PLPP1: variants seen among roughly 807,000 people sequenced by gnomAD.
The protein encoded by PLPP1 is lipid phosphate phosphohydrolase 1a.
A neutral mutation model predicts 31.2 loss-of-function variants in PLPP1; 24 were observed. The observed-to-expected ratio is 0.77, with a 90% CI of 0.56 to 1.08. The LOEUF is 1.08. Ranked by LOEUF, PLPP1 falls within the 50% of genes least tolerant of loss-of-function variation. The probability of loss-of-function intolerance (pLI) is 0.00; values close to 1 mark genes in which losing one functional copy is unlikely to be tolerated. For missense variants in PLPP1, 319 were observed against 342.7 expected (o/e 0.93, Z 0.55); for synonymous variants, 146 against 126.3 (o/e 1.16, Z -1.05).
intron 2 of PLPP1, among the ~76,000 whole-genome samples, chr5:55,472,737 GA>G (rs1200625799): frequency 3.4e-5 from 4 of 116,936 alleles, no homozygotes; most frequent in Non-Finnish European, 5.5e-5. Context: ...GGAAGAGGAG[GA>G]AGAGGAAGAA....
Position 55,534,658 on chromosome 5 carries a change from C to A in PLPP1, c.-29G>T. 6.5e-7 allele frequency: 1 copy of A among 1,531,094 alleles called. No individual in the cohort carries two copies. Among genetic ancestry groups the A allele is most frequent in the East Asian group, 2.6e-5 (1 of 38,084 alleles). The allele number at this position is 1,531,094 out of a possible 1,614,324, so 94.8% of individuals were successfully genotyped here. ...CTCTGCCCGGGCTGCCCGGCAAGGG[C>A]GATGGACTGAGCTGCGGGACGGCGG... On this transcript the variant is annotated 5_prime_UTR_variant, in exon 1 of 6. Coordinates refer to ENST00000307259, the MANE Select transcript of PLPP1 (RefSeq NM_003711.4).
At chr5:55,512,043 C>T (rs1405391594) in intron 1 of PLPP1, among the ~76,000 whole-genome samples, 5 of 150,414 alleles carry the variant, frequency 3.3e-5, no homozygotes, top group Non-Finnish European at 7.4e-5. Context: ...GCAGGAGAAT[C>T]GTTTGAATCT....
At chr5:55,513,405 C>T (rs1431440314) in intron 1 of PLPP1, among the ~76,000 whole-genome samples, 1 of 151,766 alleles carries the variant, frequency 6.6e-6, no homozygotes, top group East Asian at 1.9e-4. Flanking sequence ...GGACTACAGG[C>T]AGGTACCACC....
chr5:55,473,681 A>T (rs1318395392), intron 2 of PLPP1, among the ~76,000 whole-genome samples: 9 of 151,740 alleles, frequency 5.9e-5, no homozygotes, highest in African/African-American at 2.2e-4. Flanking sequence ...TGTTTGAAAG[A>T]GGGTCTCACT....
chr5:55,502,991 C>T (rs1244435318), intron 1 of PLPP1, among the ~76,000 whole-genome samples: 1 of 152,202 alleles, frequency 6.6e-6, no homozygotes, highest in Non-Finnish European at 1.5e-5. Context: ...GGGTACCCTC[C>T]TACCTCTCTC....
chr5:55,426,160 TAGGCAAACATTCAC>T, intron 4 of PLPP1, 121 bp from the exon 5 acceptor site: 1 of 840,970 alleles, frequency 1.2e-6, no homozygotes, highest in Non-Finnish European at 1.8e-6. Context: ...ACAGGACTTC[TAGGCAAACATTCAC>T]GTACGCATTA....
At chr5:55,427,944 C>T (rs1751250533) in intron 4 of PLPP1, among the ~76,000 whole-genome samples, 1 of 152,052 alleles carries the variant, frequency 6.6e-6, no homozygotes, top group Non-Finnish European at 1.5e-5. Flanking sequence ...CACCACCACT[C>T]CCAGGTAATT....
chr5:55,436,628 A>G (rs956626949), intron 4 of PLPP1, among the ~76,000 whole-genome samples: 1 of 152,232 alleles, frequency 6.6e-6, no homozygotes, highest in Non-Finnish European at 1.5e-5. Flanking sequence ...GAGCCTCATG[A>G]TAGTTTTATA....
intron 1 of PLPP1, among the ~76,000 whole-genome samples, chr5:55,493,977 C>T (rs1036455676): frequency 6.6e-6 from 1 of 151,830 alleles, no homozygotes; most frequent in East Asian, 1.9e-4. Context: ...CCCAAGAATT[C>T]GAGGCTACGG....
chr5:55,439,828 T>C (rs1751583209), intron 4 of PLPP1, among the ~76,000 whole-genome samples: 1 of 152,184 alleles, frequency 6.6e-6, no homozygotes, highest in Non-Finnish European at 1.5e-5. Context: ...GCTGAGAATT[T>C]TCTTTAAAAT....
At chr5:55,491,860 G>GAAAAAAAAAAA (rs35303375) in intron 1 of PLPP1, among the ~76,000 whole-genome samples, 18 of 101,912 alleles carry the variant, frequency 1.8e-4, no homozygotes, top group Admixed American at 2.4e-4. Flanking sequence ...TCAATCTCAG[G>GAAAAAAAAAAA]AAAAAAAAAA....
At position 55,532,803 on chromosome 5, in the gene PLPP1, G is replaced by A. The variant is rs542879004; in HGVS notation, c.58+1769C>T. Among the ~76,000 whole-genome samples the A allele has an allele frequency of 1.4e-3, 211 of 151,780 alleles. 1 individual carries two copies. The highest frequency in any genetic ancestry group is 7.1e-4 in the Non-Finnish European group (48 of 67,922). ...GAAACCCCGTCTCTACTAAAAATAC[G>A]AAAGTTAGCCGGGCATGGTGGTATG... is the stretch of plus-strand genomic sequence containing the variant. On this transcript the variant is annotated intron_variant, in intron 1 of 5. Coordinates refer to ENST00000307259, the MANE Select transcript of PLPP1 (RefSeq NM_003711.4).
In PLPP1 at chr5:55,514,413, C is replaced by T. The variant is rs1299166713; in HGVS notation, c.58+20159G>A. On this transcript the variant is annotated intron_variant, in intron 1 of 5. Coordinates refer to ENST00000307259, the MANE Select transcript of PLPP1 (RefSeq NM_003711.4). ...TCAAAAAAAAAAAAAAATTAAACAA[C>T]CAAATAAAATCCAGACCTGACACCT... is the stretch of plus-strand genomic sequence containing the variant. Among the ~76,000 whole-genome samples the T allele has an allele frequency of 7.9e-5, 12 of 151,886 alleles. No homozygotes were observed. The East Asian group carries it at 9.7e-4, about 12-fold the overall frequency.
intron 2 of PLPP1, among the ~76,000 whole-genome samples, chr5:55,469,399 A>G (rs1385474778): frequency 1.3e-5 from 2 of 151,928 alleles, no homozygotes; most frequent in Non-Finnish European, 2.9e-5. Context: ...CTGAGGCGGG[A>G]GAATCAATTG....
intron 4 of PLPP1, among the ~76,000 whole-genome samples, chr5:55,431,272 CAG>C (rs1247237664): frequency 2.6e-5 from 4 of 152,150 alleles, no homozygotes; most frequent in South Asian, 2.1e-4. Context: ...TGTCAAAAGT[CAG>C]AGAATAAAAC....
At chr5:55,488,623 G>A (rs984197074) in intron 1 of PLPP1, among the ~76,000 whole-genome samples, 2 of 151,916 alleles carry the variant, frequency 1.3e-5, no homozygotes, top group Non-Finnish European at 2.9e-5. Flanking sequence ...TCCAGCCCAG[G>A]CAACAGAGTG....
rs1276938683 is a variant in PLPP1, at chr5:55,425,956, A to C, written c.633T>G (p.Ile211Met). The change falls in exon 5 of 6, where the codon ATT (isoleucine) becomes ATG (methionine). Residue 211 changes from isoleucine to methionine, a missense_variant. Coordinates refer to ENST00000307259, the MANE Select transcript of PLPP1 (RefSeq NM_003711.4). Reference protein sequence around the residue: ...TLQFGLVAVSIYVGLSRVSDY... With the variant: ...TLQFGLVAVSMYVGLSRVSDY... The stretch of plus-strand genomic sequence containing the variant: ...CAGAAACTCGAGAAAGGCCCACATA[A>C]ATGGATACGGCAACAAGACCAAATT... 2.5e-6 allele frequency: 4 copies of C among 1,613,930 alleles called. No homozygotes were observed. Among genetic ancestry groups the C allele is most frequent in the Non-Finnish European group, 3.4e-6 (4 of 1,179,966 alleles).
chr5:55,507,718 C>A (rs1310020522), intron 1 of PLPP1, among the ~76,000 whole-genome samples: 1 of 152,102 alleles, frequency 6.6e-6, no homozygotes, highest in Non-Finnish European at 1.5e-5. Flanking sequence ...TCAATGAGAC[C>A]GAGAGCCCTC....
intron 4 of PLPP1, among the ~76,000 whole-genome samples, chr5:55,427,783 G>T (rs959426358): frequency 2.0e-5 from 3 of 148,692 alleles, no homozygotes; most frequent in East Asian, 2.0e-4. Context: ...TTTGGGGGGG[G>T]GGATGTGGGA....
Sources: allele counts gnomAD v4.1 joint callset (sites outside exome capture counted in the v4.1 genomes callset), GRCh38; gene constraint gnomAD v4.1.1; transcripts MANE v1.5; gene names NCBI Gene and HGNC (gene_info 2026-07-23, HGNC 2026-07-21).